Variants in ANO4 observed in about 807,000 individuals in gnomAD.
The protein encoded by ANO4 is anoctamin-4.
A neutral mutation model predicts 141.9 loss-of-function variants in ANO4; 69 were observed. The ratio of observed to expected loss-of-function variants is 0.49; its 90% CI spans 0.40 to 0.59. The LOEUF is 0.59. Among genes scored for constraint, ANO4 ranks in the 20% least tolerant of loss-of-function variants. The pLI, the probability that ANO4 is intolerant of heterozygous loss-of-function variation, is 0.00. For missense variants in ANO4, 894 were observed against 1,162.2 expected (o/e 0.77, Z 3.36); for synonymous variants, 350 against 394.3 (o/e 0.89, Z 1.33).
chr12:101,042,335 C>T lies in ANO4; in HGVS notation c.1021C>T (p.Arg341Trp), dbSNP rs771044930. The change falls in exon 12 of 28, where the codon CGG becomes TGG. Residue 341 changes from arginine to tryptophan, a missense_variant and splice_region_variant. Coordinates refer to ENST00000392977, the MANE Select transcript of ANO4 (RefSeq NM_001286615.2). ...GCAAGGCCGTTGTGTCTTTAACAGG[C>T]GGTACTTTGGAGAGAAGATTGGGTT... is the stretch of plus-strand genomic sequence containing the variant. Reference protein sequence around the residue: ...YKYQPLDLVRRYFGEKIGLYF... With the variant: ...YKYQPLDLVRWYFGEKIGLYF... The T allele has an allele frequency of 3.0e-5, 49 of 1,614,028 alleles. No homozygotes were observed. The highest frequency in any genetic ancestry group is 8.0e-5 in the African/African-American group (6 of 75,026).
At chr12:101,002,782 C>G (rs2136409007) in intron 8 of ANO4, among the ~76,000 whole-genome samples, 1 of 152,294 alleles carries the variant, frequency 6.6e-6, no homozygotes, top group Non-Finnish European at 1.5e-5. Flanking sequence ...TGACTGTGTT[C>G]TACACAAAGC....
At chr12:101,077,131 C>T (rs2049053775) in intron 14 of ANO4, among the ~76,000 whole-genome samples, 1 of 152,212 alleles carries the variant, frequency 6.6e-6, no homozygotes, top group South Asian at 2.1e-4. Context: ...TGCTAAGCAG[C>T]TGGTGCCTAT....
intron 1 of ANO4, among the ~76,000 whole-genome samples, chr12:100,816,237 G>C (rs1451918503): frequency 1.3e-5 from 2 of 151,982 alleles, no homozygotes; most frequent in East Asian, 3.9e-4. Context: ...ATAGACGCAT[G>C]AAACAGACAC....
intron 3 of ANO4, among the ~76,000 whole-genome samples, chr12:100,923,515 T>C (rs1258503899): frequency 6.6e-6 from 1 of 152,196 alleles, no homozygotes; most frequent in African/African-American, 2.4e-5. Flanking sequence ...ATGTGCCACA[T>C]TTTTTAAATC....
chr12:100,959,409 C>A (rs2043309878), intron 5 of ANO4, among the ~76,000 whole-genome samples: 1 of 152,160 alleles, frequency 6.6e-6, no homozygotes, highest in Admixed American at 6.6e-5. Flanking sequence ...ATCTCTTGAC[C>A]CCTATACTCT....
At chr12:100,941,100 T>C (rs915137014) in intron 4 of ANO4, among the ~76,000 whole-genome samples, 13 of 152,086 alleles carry the variant, frequency 8.5e-5, no homozygotes, top group Admixed American at 2.0e-4. Flanking sequence ...AAATTAATAT[T>C]GGAGTGTATG....
intron 3 of ANO4, among the ~76,000 whole-genome samples, chr12:100,928,048 A>C (rs567520635): frequency 6.6e-6 from 1 of 151,958 alleles, no homozygotes; most frequent in East Asian, 2.0e-4. Context: ...AGACTGAGTC[A>C]TTTCTCAGTG....
intron 14 of ANO4, among the ~76,000 whole-genome samples, chr12:101,050,986 C>T (rs928355078): frequency 6.6e-6 from 1 of 152,180 alleles, no homozygotes; most frequent in Non-Finnish European, 1.5e-5. Flanking sequence ...TTACCCACTT[C>T]AATATTTCAC....
intron 1 of ANO4, among the ~76,000 whole-genome samples, chr12:100,808,904 T>A (rs2035227675): frequency 6.6e-6 from 1 of 152,236 alleles, no homozygotes; most frequent in South Asian, 2.1e-4. Context: ...AAGCACCAAT[T>A]GCTGAGATTC....
chr12:100,798,318 T>G (rs1296578544), intron 1 of ANO4, among the ~76,000 whole-genome samples: 3 of 152,174 alleles, frequency 2.0e-5, no homozygotes, highest in Admixed American at 6.5e-5. Context: ...TTTGAGCCCC[T>G]TTTACAGAGT....
intron 26 of ANO4, among the ~76,000 whole-genome samples, chr12:101,125,418 G>T (rs1481392088): frequency 6.6e-6 from 1 of 152,116 alleles, no homozygotes; most frequent in African/African-American, 2.4e-5. Context: ...GCAAAAAAAA[G>T]ATAATTTGAC....
At chr12:100,898,709 A>G (rs1028951498) in intron 1 of ANO4, among the ~76,000 whole-genome samples, 1 of 152,214 alleles carries the variant, frequency 6.6e-6, no homozygotes, top group African/African-American at 2.4e-5. Flanking sequence ...GAAAAGTTAT[A>G]TAAAAGCTAA....
chr12:100,788,140 T>C (rs2033931250), intron 3 of ANO4, among the ~76,000 whole-genome samples: 1 of 152,154 alleles, frequency 6.6e-6, no homozygotes. Context: ...TTGGGAGGAT[T>C]TTGTGTATCT....
At chr12:100,763,246 G>T (rs980904228) in intron 3 of ANO4, among the ~76,000 whole-genome samples, 1 of 152,132 alleles carries the variant, frequency 6.6e-6, no homozygotes, top group Non-Finnish European at 1.5e-5. Flanking sequence ...GGCCACAAGG[G>T]TCTGTACCCA....
intron 3 of ANO4, among the ~76,000 whole-genome samples, chr12:100,937,470 A>G (rs1477784120): frequency 1.3e-5 from 2 of 152,186 alleles, no homozygotes; most frequent in Non-Finnish European, 2.9e-5. Context: ...AAAACACTGG[A>G]CATATTAGTC....
At chr12:100,768,577 G>T (rs2033178538) in intron 3 of ANO4, among the ~76,000 whole-genome samples, 2 of 152,126 alleles carry the variant, frequency 1.3e-5, no homozygotes, top group Non-Finnish European at 2.9e-5. Context: ...GTGCCTCTGG[G>T]TCAAGAACTT....
chr12:101,032,653 T>C (rs11608964), intron 9 of ANO4, among the ~76,000 whole-genome samples: 49,111 of 150,280 alleles, frequency 0.33, 8,172 homozygotes, highest in Non-Finnish European at 0.38. Flanking sequence ...AAAAAGTGGG[T>C]GAAGGACATG....
At chr12:100,717,699 G>C (rs2030666063) in intron 1 of ANO4, among the ~76,000 whole-genome samples, 2 of 152,248 alleles carry the variant, frequency 1.3e-5, no homozygotes, top group South Asian at 4.1e-4. Flanking sequence ...CTCCTGAGGG[G>C]CCGATGTTCC....
At chr12:100,720,423 G>A (rs981519588) in intron 1 of ANO4, among the ~76,000 whole-genome samples, 2 of 151,838 alleles carry the variant, frequency 1.3e-5, no homozygotes, top group Non-Finnish European at 2.9e-5. Flanking sequence ...TAAGTGCAAA[G>A]GCCCTGAGTC....
Sources: gnomAD v4.1 joint callset for allele counts (sites outside exome capture counted in the v4.1 genomes callset) on GRCh38, gnomAD v4.1.1 for gene constraint, MANE v1.5 for transcripts, NCBI Gene and HGNC (gene_info 2026-07-23, HGNC 2026-07-21) for gene names.